The following PM20D1 variants were observed in gnomAD, a reference collection of about 807,000 sequenced individuals.
PM20D1 encodes N-fatty-acyl-amino acid synthase/hydrolase PM20D1.
In PM20D1, 53 loss-of-function variants were observed where a neutral mutation model predicts 53.8. The ratio of observed to expected loss-of-function variants is 0.98; its 90% CI spans 0.79 to 1.24. PM20D1 has a LOEUF of 1.24. Ranked by LOEUF, PM20D1 falls within the 50% of genes most tolerant of loss-of-function variation. The probability of loss-of-function intolerance (pLI) is 0.00; values close to 1 mark genes in which losing one functional copy is unlikely to be tolerated. For missense variants in PM20D1, 564 were observed against 616.8 expected (o/e 0.91, Z 0.91); for synonymous variants, 239 against 241.3 (o/e 0.99, Z 0.09).
chr1:205,837,517 TGGGGGCGG>T (rs1656708478), intron 10 of PM20D1, among the ~76,000 whole-genome samples: 4 of 152,178 alleles, frequency 2.6e-5, no homozygotes, highest in Admixed American at 2.6e-4. Context: ...AAGAGAACTC[TGGGGGCGG>T]CCTGTGTTCC....
At chr1:205,844,373 A>C (rs1656893470) in intron 4 of PM20D1, among the ~76,000 whole-genome samples, 156 bp from the exon 5 acceptor site, 1 of 152,230 alleles carries the variant, frequency 6.6e-6, no homozygotes, top group Admixed American at 6.5e-5. Context: ...CCTGCCTTAC[A>C]GAATTCTGGA....
At chr1:205,835,789 A>G (rs1003654686) in intron 10 of PM20D1, among the ~76,000 whole-genome samples, 11 of 152,206 alleles carry the variant, frequency 7.2e-5, no homozygotes, top group African/African-American at 2.2e-4. Flanking sequence ...CGGAGGTACA[A>G]GAATGGAACT....
At chr1:205,835,676 AG>A (rs201305630) in intron 10 of PM20D1, among the ~76,000 whole-genome samples, 8,535 of 126,796 alleles carry the variant, frequency 0.067, 708 homozygotes, top group East Asian at 0.13. Context: ...AAAAAAAAAA[AG>A]GTGTAATGTG....
chr1:205,840,774 C>T (rs922201001), intron 9 of PM20D1, among the ~76,000 whole-genome samples: 8 of 152,194 alleles, frequency 5.3e-5, no homozygotes, highest in Non-Finnish European at 1.0e-4. Context: ...GGGCTCACAT[C>T]AGGTTTGATC....
At chr1:205,843,899 C>A in intron 5 of PM20D1, 113 bp from the exon 6 acceptor site, 3 of 1,498,066 alleles carry the variant, frequency 2.0e-6, no homozygotes, top group Non-Finnish European at 2.7e-6. Context: ...TAGCTTCATG[C>A]TGCTTTAAAA....
chr1:205,843,850 C>T, intron 5 of PM20D1, 64 bp from the exon 6 acceptor site: 2 of 1,580,562 alleles, frequency 1.3e-6, no homozygotes, highest in Non-Finnish European at 8.6e-7. Flanking sequence ...CCCATAGGCC[C>T]ATAGGTCCAT....
intron 10 of PM20D1, among the ~76,000 whole-genome samples, chr1:205,834,345 G>A (rs995288123): frequency 1.3e-5 from 2 of 152,156 alleles, no homozygotes; most frequent in South Asian, 2.1e-4. Context: ...TAGTAGAGAC[G>A]GGGTTTTGCC....
intron 6 of PM20D1, 138 bp downstream of exon 6, chr1:205,843,529 T>C (rs1650318955): frequency 8.0e-7 from 1 of 1,254,452 alleles, no homozygotes; most frequent in Non-Finnish European, 1.1e-6. Flanking sequence ...CTGTTCTTCC[T>C]CTAGTGTCAA....
At chr1:205,844,396 G>A (rs1656893897) in intron 4 of PM20D1, among the ~76,000 whole-genome samples, 179 bp from the exon 5 acceptor site, 1 of 152,304 alleles carries the variant, frequency 6.6e-6, no homozygotes, top group African/African-American at 2.4e-5. Context: ...GTCAGAGCTG[G>A]CAGGCCTCAC....
intron 1 of PM20D1, 147 bp downstream of exon 1, chr1:205,849,757 A>G: frequency 1.0e-6 from 1 of 977,040 alleles, no homozygotes; most frequent in Non-Finnish European, 1.5e-6. Flanking sequence ...ATGTGCTGGG[A>G]AGGGTGTTGG....
intron 3 of PM20D1, 107 bp downstream of exon 3, chr1:205,845,218 G>T: frequency 8.6e-7 from 1 of 1,157,226 alleles, no homozygotes; most frequent in Non-Finnish European, 1.3e-6. Context: ...GTCTCCTGGA[G>T]CCAAGATTCT....
intron 10 of PM20D1, among the ~76,000 whole-genome samples, chr1:205,833,450 T>A (rs1356377408): frequency 6.6e-6 from 1 of 152,270 alleles, no homozygotes; most frequent in Non-Finnish European, 1.5e-5. Context: ...TTCTGCTTCC[T>A]GTTTGTAACC....
At chr1:205,842,100 G>A (rs112386016) in intron 8 of PM20D1, 54 bp downstream of exon 8, 51 of 1,536,730 alleles carry the variant, frequency 3.3e-5, no homozygotes, top group Non-Finnish European at 4.4e-5. Flanking sequence ...AGGGGCCTGG[G>A]GGGTGGGTAG....
intron 10 of PM20D1, among the ~76,000 whole-genome samples, chr1:205,839,290 G>T (rs1656751381): frequency 6.6e-6 from 1 of 152,158 alleles, no homozygotes; most frequent in East Asian, 1.9e-4. Flanking sequence ...TTAGTAGTCA[G>T]AAAAGACTTT....
chr1:205,844,841 A>G lies in PM20D1; in HGVS notation c.546T>C (p.Ser182=), dbSNP rs202085786. The G allele has an allele frequency of 2.9e-5, 46 of 1,613,990 alleles. No homozygotes were observed. The highest frequency in any genetic ancestry group is 3.8e-5 in the Non-Finnish European group (45 of 1,180,024). ...LLIRKYIPRR[S]FFISLGHDEE... ...CATCATGGCCCAGAGAAATGAAGAA[A>G]GATCTTCGGGGGATGTACTTCCTGA... Residue 182 remains serine, a synonymous_variant, in exon 4 of 13, where the codon TCT becomes TCC. Transcript: ENST00000367136.
chr1:205,848,001 G>GA (rs1657030672), intron 1 of PM20D1, 30 bp from the exon 2 acceptor site: 1 of 1,589,888 alleles, frequency 6.3e-7, no homozygotes, highest in African/African-American at 1.3e-5. Context: ...ATGAAAGATT[G>GA]AAAATGAATT....
Position 205,832,618 on chromosome 1 carries a change from TC to T in PM20D1, c.1264del (p.Glu422LysfsTer58), listed in dbSNP as rs1424174911. The T allele has an allele frequency of 6.2e-7, 1 of 1,614,044 alleles. No individual in the cohort carries two copies. The highest frequency in any genetic ancestry group is 1.3e-5 in the African/African-American group (1 of 74,996). On this transcript the variant is annotated frameshift_variant, in exon 11 of 13. Transcript: ENST00000367136. LOFTEE classifies it high-confidence loss of function. Reference sequence around the variant, plus strand: ...ATTACCTGGGGCAGTAATATTGACTTCCGGGAAGACGGACTGTACGGTCTGG... The same window carrying T: ...ATTACCTGGGGCAGTAATATTGACTTCGGGAAGACGGACTGTACGGTCTGG... ...LRQTVQSVFPEVNITAPVTSI... is the reference protein window; with the variant it reads ...LRQTVQSVFPXVNITAPVTSI...
In PM20D1 at chr1:205,844,204, CCT is replaced by C. The variant is rs1455780854; in HGVS notation, c.588_589del (p.Ala198SerfsTer27). The C allele has an allele frequency of 3.1e-6, 5 of 1,611,274 alleles. No individual in the cohort carries two copies. In the East Asian group the frequency reaches 6.7e-5, roughly 22 times the overall value. ...TAGCAGGGCTGAGATCCTCTGAGCC[CCT>C]GTCCCTGATGACTGCAGACATGGAA... On this transcript the variant is annotated frameshift_variant, in exon 5 of 13. Transcript: ENST00000367136. LOFTEE classifies it high-confidence loss of function.
intron 2 of PM20D1, among the ~76,000 whole-genome samples, chr1:205,846,116 G>T (rs1004979794): frequency 6.6e-6 from 1 of 151,590 alleles, no homozygotes; most frequent in African/African-American, 2.4e-5. Flanking sequence ...GCCAGGCGTG[G>T]TGGCTCATGC....
Sources: gnomAD v4.1 joint callset for allele counts (sites outside exome capture counted in the v4.1 genomes callset) on GRCh38, gnomAD v4.1.1 for gene constraint, MANE v1.5 for transcripts, NCBI Gene and HGNC (gene_info 2026-07-23, HGNC 2026-07-21) for gene names.